TRAPPC9: variants seen among roughly 807,000 people sequenced by gnomAD.
TRAPPC9 encodes trafficking protein particle complex subunit 9.
Under a neutral mutation model 124.0 loss-of-function variants are expected in TRAPPC9, and 83 were observed. That is an observed-to-expected ratio of 0.67 (90% CI 0.56 to 0.80). TRAPPC9 has a LOEUF of 0.80. Among genes scored for constraint, TRAPPC9 ranks in the 30% least tolerant of loss-of-function variants. TRAPPC9 has a pLI of 0.00. For missense variants in TRAPPC9, 1,302 were observed against 1,508.3 expected (o/e 0.86, Z 2.27); for synonymous variants, 638 against 617.5 (o/e 1.03, Z -0.49).
intron 17 of TRAPPC9, among the ~76,000 whole-genome samples, chr8:140,060,508 C>T (rs13268179): frequency 0.44 from 66,558 of 151,912 alleles, 16,539 homozygotes; most frequent in Middle Eastern, 0.57. Context: ...ACCCCCGCCA[C>T]TGAGCAAAGC....
chr8:139,988,155 C>T (rs1837370905), intron 19 of TRAPPC9, among the ~76,000 whole-genome samples: 1 of 141,876 alleles, frequency 7.0e-6, no homozygotes, highest in African/African-American at 2.7e-5. Flanking sequence ...GTCGCCCAGG[C>T]TGGAGTACGG....
chr8:140,204,612 T>TA lies in TRAPPC9; in HGVS notation c.2556+16846dup, dbSNP rs563976315. On this transcript the variant is annotated intron_variant, in intron 17 of 22. Coordinates refer to ENST00000438773, the MANE Select transcript of TRAPPC9 (RefSeq NM_001160372.4). ...CATTGTGCACATGTACCCTAGAACT[T>TA]AAAGTATAATAAAAAAATAAAAGAG... 2.3e-4 allele frequency among the ~76,000 whole-genome samples: 35 copies of TA among 152,014 alleles called. No individual in the cohort carries two copies. The South Asian group carries it at 7.1e-3, about 31-fold the overall frequency.
chr8:140,195,079 T>C (rs970113281), intron 17 of TRAPPC9, among the ~76,000 whole-genome samples: 1 of 148,166 alleles, frequency 6.7e-6, no homozygotes. Flanking sequence ...TAAAACACAC[T>C]CAAGGATCCA....
At chr8:140,407,255 C>T (rs1185263400) in intron 5 of TRAPPC9, among the ~76,000 whole-genome samples, 2 of 152,190 alleles carry the variant, frequency 1.3e-5, no homozygotes, top group Non-Finnish European at 1.5e-5. Flanking sequence ...ATGTTCTTAA[C>T]GACAGAAGTG....
chr8:139,866,498 G>C (rs894181965), intron 21 of TRAPPC9, among the ~76,000 whole-genome samples: 4 of 152,210 alleles, frequency 2.6e-5, no homozygotes, highest in Non-Finnish European at 4.4e-5. Context: ...GGGATCTCTG[G>C]GCTGGGTCCC....
chr8:139,798,634 T>A (rs934329281), intron 21 of TRAPPC9, among the ~76,000 whole-genome samples: 3 of 152,180 alleles, frequency 2.0e-5, no homozygotes, highest in Middle Eastern at 3.2e-3. Flanking sequence ...GTCAGCTCTG[T>A]CAAGAGCGTA....
intron 19 of TRAPPC9, among the ~76,000 whole-genome samples, chr8:139,930,470 G>A (rs1833074059): frequency 6.6e-6 from 1 of 152,176 alleles, no homozygotes; most frequent in South Asian, 2.1e-4. Context: ...GCCAAGCCTT[G>A]GAAAGGGACT....
intron 18 of TRAPPC9, among the ~76,000 whole-genome samples, chr8:140,012,887 G>A (rs1839224545): frequency 6.6e-6 from 1 of 152,174 alleles, no homozygotes; most frequent in South Asian, 2.1e-4. Context: ...TCTGAAAAGT[G>A]GCAACACCTG....
chr8:140,198,865 C>T (rs765604017), intron 17 of TRAPPC9, among the ~76,000 whole-genome samples: 15 of 152,160 alleles, frequency 9.9e-5, no homozygotes, highest in Non-Finnish European at 1.9e-4. Context: ...GCACCAAGGA[C>T]GTTCTTGTAT....
chr8:140,012,822 G>A (rs1303509797), intron 18 of TRAPPC9, among the ~76,000 whole-genome samples: 1 of 152,216 alleles, frequency 6.6e-6, no homozygotes, highest in African/African-American at 2.4e-5. Flanking sequence ...AGTCTCCCAT[G>A]AGCCTCTGAA....
chr8:140,037,101 A>AT (rs1840944996), intron 17 of TRAPPC9, among the ~76,000 whole-genome samples: 1 of 152,070 alleles, frequency 6.6e-6, no homozygotes, highest in Non-Finnish European at 1.5e-5. Context: ...TGTATTTCAA[A>AT]TTTTTACAAA....
intron 17 of TRAPPC9, among the ~76,000 whole-genome samples, chr8:140,152,287 C>T (rs2061556019): frequency 7.4e-6 from 1 of 135,524 alleles, no homozygotes; most frequent in Non-Finnish European, 1.6e-5. Flanking sequence ...TTGTCAATTT[C>T]TACCAAAAAA....
intron 17 of TRAPPC9, among the ~76,000 whole-genome samples, chr8:140,218,498 CAG>C (rs1017604497): frequency 4.6e-5 from 7 of 151,966 alleles, no homozygotes; most frequent in African/African-American, 1.5e-4. Flanking sequence ...GCATTTTAGA[CAG>C]GGGCTGGTTC....
At chr8:140,388,399 G>A (rs1588264392) in intron 7 of TRAPPC9, among the ~76,000 whole-genome samples, 3 of 151,840 alleles carry the variant, frequency 2.0e-5, no homozygotes, top group African/African-American at 7.2e-5. Context: ...AAGGAATGAA[G>A]GGGGCCGAGT....
chr8:139,899,120 CAAAAAAA>C lies in TRAPPC9; in HGVS notation c.2964+11020_2964+11026del, dbSNP rs33927933. 2.6e-4 allele frequency among the ~76,000 whole-genome samples: 12 copies of C among 45,464 alleles called. No individual in the cohort carries two copies. In the East Asian group the frequency reaches 3.9e-3, roughly 15 times the overall value. The allele number at this position is 45,464 out of a possible 152,430, so 29.8% of individuals were successfully genotyped here. Reference sequence around the variant, plus strand: ...GGGAAACAAGAACAAAACTCCGTCTCAAAAAAAAAAAAAAAAAAAAAAGAATTTAAAA... The same window carrying C: ...GGGAAACAAGAACAAAACTCCGTCTCAAAAAAAAAAAAAAAGAATTTAAAA... On this transcript the variant is annotated intron_variant, in intron 20 of 22. Transcript: ENST00000438773.
At chr8:140,389,740 G>A (rs2068868172) in intron 7 of TRAPPC9, among the ~76,000 whole-genome samples, 1 of 151,006 alleles carries the variant, frequency 6.6e-6, no homozygotes, top group Non-Finnish European at 1.5e-5. Flanking sequence ...AGCAATAAGT[G>A]TCTGTAATAT....
At chr8:139,832,615 G>A (rs915339944) in intron 21 of TRAPPC9, among the ~76,000 whole-genome samples, 1 of 152,194 alleles carries the variant, frequency 6.6e-6, no homozygotes, top group Non-Finnish European at 1.5e-5. Context: ...TCATATTCTG[G>A]GGAAAGGTAA....
At chr8:139,814,417 G>A (rs573160137) in intron 21 of TRAPPC9, among the ~76,000 whole-genome samples, 149 of 152,294 alleles carry the variant, frequency 9.8e-4, no homozygotes, top group African/African-American at 3.5e-3. Context: ...TGTCTAGCAG[G>A]AGGGAGGGTA....
In TRAPPC9 at chr8:139,964,224, CA is replaced by C. The variant is rs1008397834; in HGVS notation, c.2810+24501del. 3.2e-3 allele frequency among the ~76,000 whole-genome samples: 219 copies of C among 67,666 alleles called. 1 individual carries two copies. The highest frequency in any genetic ancestry group is 9.5e-3 in the African/African-American group (175 of 18,474). 44.4% of individuals were successfully genotyped at this position (67,666 alleles called of 152,430 possible). On this transcript the variant is annotated intron_variant, in intron 19 of 22. Coordinates refer to ENST00000438773, the MANE Select transcript of TRAPPC9 (RefSeq NM_001160372.4). Reference sequence around the variant, plus strand: ...TGGGCGACAGAGCAAGACTCTGTCTCAAAAAAAAAAAAAAAAAAAAAGCGGG... The same window carrying C: ...TGGGCGACAGAGCAAGACTCTGTCTCAAAAAAAAAAAAAAAAAAAAGCGGG...
Sources: gnomAD v4.1 joint callset for allele counts (sites outside exome capture counted in the v4.1 genomes callset) on GRCh38, gnomAD v4.1.1 for gene constraint, MANE v1.5 for transcripts, NCBI Gene and HGNC (gene_info 2026-07-23, HGNC 2026-07-21) for gene names.